GPRC6A: variants seen among roughly 807,000 people sequenced by gnomAD.
GPRC6A encodes G protein-coupled receptor family C group 6 member A.
A neutral mutation model predicts 47.0 loss-of-function variants in GPRC6A; 54 were observed. The ratio of observed to expected loss-of-function variants is 1.15; its 90% CI spans 0.92 to 1.44. The LOEUF (loss-of-function observed/expected upper bound fraction) is 1.44, where lower values mean the gene tolerates loss of function less well. GPRC6A is among the 40% of genes most tolerant of loss of function. GPRC6A has a pLI of 0.00. For missense variants in GPRC6A, 1,112 were observed against 1,105.5 expected (o/e 1.01, Z -0.08); for synonymous variants, 347 against 377.1 (o/e 0.92, Z 0.93).
chr6:116,807,234 T>C (rs1772879502), intron 2 of GPRC6A, 28 bp from the exon 3 acceptor site: 1 of 1,383,716 alleles, frequency 7.2e-7, no homozygotes, highest in Non-Finnish European at 1.0e-6. Flanking sequence ...ATTTTAGTTA[T>C]GGTGTTGATG....
chr6:116,823,321 T>C (rs1773568796), intron 1 of GPRC6A, among the ~76,000 whole-genome samples: 1 of 152,140 alleles, frequency 6.6e-6, no homozygotes, highest in African/African-American at 2.4e-5. Flanking sequence ...AAGTTCAAAG[T>C]TCCACAGATC....
Position 116,811,188 on chromosome 6 carries a change from CTT to C in GPRC6A, c.195-1573_195-1572del, listed in dbSNP as rs377334698. On this transcript the variant is annotated intron_variant, in intron 1 of 5. Coordinates refer to ENST00000310357, the MANE Select transcript of GPRC6A (RefSeq NM_148963.4). ...GCCACTGAGGAAATGTCAGATGGCA[CTT>C]ATGCCAGTCATGGCCAAAAAAATCA... Among the ~76,000 whole-genome samples, 50 of 152,290 alleles carry C rather than the reference CTT, an allele frequency of 3.3e-4. No homozygotes were observed. In the East Asian group the frequency reaches 6.4e-3, roughly 19 times the overall value.
At chr6:116,812,371 G>T (rs944524289) in intron 1 of GPRC6A, among the ~76,000 whole-genome samples, 4 of 152,142 alleles carry the variant, frequency 2.6e-5, no homozygotes, top group Non-Finnish European at 5.9e-5. Flanking sequence ...GCTCAAGGGA[G>T]TTCTATACTT....
chr6:116,819,374 G>A (rs1379100647), intron 1 of GPRC6A, among the ~76,000 whole-genome samples: 2 of 150,974 alleles, frequency 1.3e-5, no homozygotes, highest in Admixed American at 1.3e-4. Flanking sequence ...GACATCTACA[G>A]AACTCTCCAC....
chr6:116,793,580 A>G (rs1485153585), intron 5 of GPRC6A, among the ~76,000 whole-genome samples: 10 of 152,200 alleles, frequency 6.6e-5, no homozygotes, highest in Non-Finnish European at 1.5e-4. Flanking sequence ...CAGCACTCTT[A>G]AGAATAAGGT....
intron 1 of GPRC6A, among the ~76,000 whole-genome samples, chr6:116,821,716 G>A (rs919009147): frequency 6.6e-6 from 1 of 151,874 alleles, no homozygotes; most frequent in African/African-American, 2.4e-5. Flanking sequence ...AATTCAACAT[G>A]GATTAAAGAC....
chr6:116,821,814 T>A (rs1188256947), intron 1 of GPRC6A, among the ~76,000 whole-genome samples: 1 of 151,184 alleles, frequency 6.6e-6, no homozygotes, highest in Non-Finnish European at 1.5e-5. Flanking sequence ...GGACTTCATG[T>A]CTAAAACACC....
At chr6:116,798,203 T>C (rs1404559587) in intron 4 of GPRC6A, among the ~76,000 whole-genome samples, 1 of 146,212 alleles carries the variant, frequency 6.8e-6, no homozygotes, top group Non-Finnish European at 1.5e-5. Context: ...GGACAGTGAA[T>C]AAGAACTACT....
intron 1 of GPRC6A, among the ~76,000 whole-genome samples, chr6:116,814,605 T>A (rs1197345239): frequency 1.3e-5 from 2 of 151,948 alleles, no homozygotes; most frequent in Non-Finnish European, 2.9e-5. Context: ...GCTTGTCATG[T>A]GGTGGGGGGA....
rs775600745 is a variant in GPRC6A, at chr6:116,809,511, C to T, written c.301G>A (p.Asp101Asn). Residue 101 changes from aspartate (D) to asparagine (N), a missense_variant, in exon 2 of 6, where the codon GAC (aspartate) becomes AAC (asparagine). Asp to Asn is a conservative substitution (Grantham distance 23, BLOSUM62 1). Transcript: ENST00000310357. ...PGVKLGYEIY[D>N]TCTEVTVAMA... is the part of the protein sequence containing the mutation. ...GCCACTGTGACTTCTGTACAAGTGT[C>T]ATAGATTTCATACCCCAGTTTGACT... 3 of 1,613,362 alleles carry T rather than the reference C, an allele frequency of 1.9e-6. No homozygotes were observed. Among genetic ancestry groups the T allele is most frequent in the Non-Finnish European group, 2.5e-6 (3 of 1,179,670 alleles).
chr6:116,823,984 C>T (rs1464610342), intron 1 of GPRC6A, among the ~76,000 whole-genome samples: 2 of 152,072 alleles, frequency 1.3e-5, no homozygotes, highest in Non-Finnish European at 2.9e-5. Context: ...GATCCAATCA[C>T]CTCCTACCAG....
chr6:116,820,015 G>T (rs1206311579), intron 1 of GPRC6A, among the ~76,000 whole-genome samples: 1 of 150,604 alleles, frequency 6.6e-6, no homozygotes, highest in Non-Finnish European at 1.5e-5. Context: ...AATAAAAAAT[G>T]ATAAAAGGGA....
intron 1 of GPRC6A, among the ~76,000 whole-genome samples, chr6:116,821,251 G>T (rs1285061667): frequency 1.3e-5 from 2 of 152,148 alleles, no homozygotes; most frequent in Admixed American, 6.5e-5. Context: ...TCATGGGTAA[G>T]AAGAATCAAT....
intron 4 of GPRC6A, among the ~76,000 whole-genome samples, chr6:116,797,367 T>C (rs1306983338): frequency 6.6e-6 from 1 of 152,180 alleles, no homozygotes; most frequent in Non-Finnish European, 1.5e-5. Context: ...TCTAAAATCT[T>C]GTACTAATTA....
intron 1 of GPRC6A, among the ~76,000 whole-genome samples, chr6:116,813,241 G>T (rs1025287761): frequency 7.2e-5 from 11 of 152,132 alleles, no homozygotes; most frequent in Non-Finnish European, 1.2e-4. Context: ...TTTCTTCACA[G>T]AATTGGAAAA....
intron 2 of GPRC6A, among the ~76,000 whole-genome samples, chr6:116,807,444 T>C (rs1264904840): frequency 6.6e-6 from 1 of 152,192 alleles, no homozygotes; most frequent in East Asian, 1.9e-4. Flanking sequence ...TCATTTTCCA[T>C]TTACACGTCT....
intron 3 of GPRC6A, among the ~76,000 whole-genome samples, chr6:116,803,964 T>G (rs549063139): frequency 6.6e-6 from 1 of 152,216 alleles, no homozygotes; most frequent in East Asian, 1.9e-4. Context: ...ATAATTCCTT[T>G]AGGGAAGGAA....
intron 4 of GPRC6A, among the ~76,000 whole-genome samples, chr6:116,796,492 T>G: frequency 6.6e-6 from 1 of 152,198 alleles, no homozygotes; most frequent in East Asian, 1.9e-4. Flanking sequence ...GCATTTCAGC[T>G]ATGTTATTCT....
At position 116,792,801 on chromosome 6, in the gene GPRC6A, T is replaced by C. The variant is rs769392782; in HGVS notation, c.2122A>G (p.Ile708Val). The C allele has an allele frequency of 1.2e-6, 2 of 1,613,930 alleles. No individual in the cohort carries two copies. The highest frequency in any genetic ancestry group is 1.7e-6 in the Non-Finnish European group (2 of 1,179,984). Residue 708 changes from isoleucine to valine, a missense_variant, in exon 6 of 6, where the codon ATC (isoleucine) becomes GTC (valine). Coordinates refer to ENST00000310357, the MANE Select transcript of GPRC6A (RefSeq NM_148963.4). ...ACCTGGATGCCCGTGCAAGTGAAGATAATAAGGATCGGTCTATAGAGGCAC... is the reference window on the plus strand; with the variant it reads ...ACCTGGATGCCCGTGCAAGTGAAGACAATAAGGATCGGTCTATAGAGGCAC... ...LKCLYRPILIIFTCTGIQVVI... is the reference protein window; with the variant it reads ...LKCLYRPILIVFTCTGIQVVI...
Sources: allele counts gnomAD v4.1 joint callset (sites outside exome capture counted in the v4.1 genomes callset), GRCh38; gene constraint gnomAD v4.1.1; transcripts MANE v1.5; gene names NCBI Gene and HGNC (gene_info 2026-07-23, HGNC 2026-07-21).